The following RPS21 variants were observed in gnomAD, a reference collection of about 807,000 sequenced individuals.
RPS21 encodes small ribosomal subunit protein eS21.
Under a neutral mutation model 14.5 loss-of-function variants are expected in RPS21, and 6 were observed. The ratio of observed to expected loss-of-function variants is 0.41; its 90% confidence interval spans 0.23 to 0.82. The LOEUF is 0.82. RPS21 is among the 40% of genes least tolerant of loss of function. The probability of loss-of-function intolerance (pLI) is 0.31; values close to 1 mark genes in which losing one functional copy is unlikely to be tolerated. For synonymous variants in RPS21, 61 were observed against 42.6 expected (o/e 1.43, Z -1.69); for missense variants, 85 against 115.0 (o/e 0.74, Z 1.19).
In RPS21 at chr20:62,387,139, G is replaced by A. The variant is rs1987755927; in HGVS notation, c.-19+3G>A. ...CGCGCGCGGTGTGGTGGCAGCAGGT[G>A]TGGCGCGCGGCGCGGGCTTCGGGCT... On this transcript the variant is annotated splice_donor_region_variant and intron_variant, in intron 1 of 5. Transcript: ENST00000343986. The A allele has an allele frequency of 2.0e-6, 1 of 496,024 alleles. No individual in the cohort carries two copies. Among genetic ancestry groups the A allele is most frequent in the Non-Finnish European group, 3.5e-6 (1 of 283,572 alleles). The allele number at this position is 496,024 out of a possible 1,614,324, so 30.7% of individuals were successfully genotyped here.
intron 2 of RPS21, 31 bp from the exon 3 acceptor site, chr20:62,387,579 TC>T (rs1987782037): frequency 4.4e-6 from 7 of 1,601,824 alleles, no homozygotes; most frequent in Non-Finnish European, 6.0e-6. Context: ...ACCGCCCAAG[TC>T]CCCTCTGCTC....
chr20:62,387,269 A>G (rs1262989611), intron 1 of RPS21, 52 bp from the exon 2 acceptor site: 1 of 1,423,584 alleles, frequency 7.0e-7, no homozygotes, highest in Non-Finnish European at 9.6e-7. Context: ...TTGCGCCGGG[A>G]GCCGGGGCAC....
rs530536205 is a variant in RPS21, at chr20:62,387,407, C to G, written c.50+19C>G. ...GGAAATGGTAAGCGCCCCCCACATG[C>G]CTCTCTTCCGTCCTTACCTAACCAC... On this transcript the variant is annotated intron_variant, in intron 2 of 5. Coordinates refer to ENST00000343986, the MANE Select transcript of RPS21 (RefSeq NM_001024.4). 4.4e-6 allele frequency: 7 copies of G among 1,608,064 alleles called. No individual in the cohort carries two copies. Among genetic ancestry groups the G allele is most frequent in the South Asian group, 2.2e-5 (2 of 90,204 alleles).
At position 62,387,625 on chromosome 20, in the gene RPS21, G is replaced by A. The variant is rs762536419; in HGVS notation, c.65G>A (p.Arg22His). Residue 22 changes from arginine (R) to histidine (H), a missense_variant, in exon 3 of 6, where the codon CGC (arginine) becomes CAC (histidine). Arg to His is a conservative substitution (Grantham distance 29). Coordinates refer to ENST00000343986, the MANE Select transcript of RPS21 (RefSeq NM_001024.4). ...YVPRKCSASN[R>H]IIGAKDHASI... Reference sequence around the variant, plus strand: ...TTTCTCCACAGCTCCGCTAGCAATCGCATCATCGGTGCCAAGGACCACGCA... The same window carrying A: ...TTTCTCCACAGCTCCGCTAGCAATCACATCATCGGTGCCAAGGACCACGCA... 1.9e-6 allele frequency: 3 copies of A among 1,612,764 alleles called. No individual in the cohort carries two copies. The highest frequency in any genetic ancestry group is 2.5e-6 in the Non-Finnish European group (3 of 1,179,124).
chr20:62,388,332 C>T lies in RPS21; in HGVS notation c.210C>T (p.Leu70=), dbSNP rs570425523. Residue 70 remains leucine (L), a synonymous_variant, in exon 5 of 6, where the codon CTC becomes CTT. Coordinates refer to ENST00000343986, the MANE Select transcript of RPS21 (RefSeq NM_001024.4). ...AGGGTGAGTCAGATGATTCCATTCT[C>T]CGATTGGCCAAGGCCGATGGCATCG... ...RRMGESDDSI[L]RLAKADGIVS... is the part of the protein sequence containing the mutation. The T allele has an allele frequency of 1.0e-5, 16 of 1,591,316 alleles. No homozygotes were observed. The East Asian group carries it at 3.6e-4, about 36-fold the overall frequency.
intron 4 of RPS21, 30 bp from the exon 5 acceptor site, chr20:62,388,273 GAAATAT>G: frequency 6.3e-7 from 1 of 1,579,598 alleles, no homozygotes; most frequent in Non-Finnish European, 8.6e-7. Flanking sequence ...AGCCGGAGTG[GAAATAT>G]TCTTAGTGTG....
intron 4 of RPS21, 154 bp from the exon 5 acceptor site, chr20:62,388,155 C>A (rs1601468484): frequency 2.0e-6 from 3 of 1,474,586 alleles, no homozygotes; most frequent in Non-Finnish European, 2.7e-6. Flanking sequence ...CATAGTCAGG[C>A]TGCAGGCTGC....
intron 4 of RPS21, 194 bp from the exon 5 acceptor site, chr20:62,388,115 C>T (rs978983971): frequency 5.7e-5 from 86 of 1,508,924 alleles, no homozygotes; most frequent in African/African-American, 1.4e-5. Flanking sequence ...CTGCCTCTCA[C>T]TAGGAGGTGC....
Position 62,388,496 on chromosome 20 carries a change from G to A in RPS21, c.*30G>A. 6.2e-7 allele frequency: 1 copy of A among 1,610,810 alleles called. No individual in the cohort carries two copies. Among genetic ancestry groups the A allele is most frequent in the Non-Finnish European group, 8.5e-7 (1 of 1,177,096 alleles). ...AGAGAATCACAGATGTGGAATATTT[G>A]TCATAAATAAATAATGAAAACCTAC... On this transcript the variant is annotated 3_prime_UTR_variant, in exon 6 of 6. Coordinates refer to ENST00000343986, the MANE Select transcript of RPS21 (RefSeq NM_001024.4).
At chr20:62,387,223 C>G (rs1213599100) in intron 1 of RPS21, 87 bp downstream of exon 1, 12 of 830,402 alleles carry the variant, frequency 1.4e-5, no homozygotes, top group Non-Finnish European at 2.2e-5. Flanking sequence ...GTGCGGGGTG[C>G]TGGGTGCGGC....
At chr20:62,388,154 G>C in intron 4 of RPS21, 155 bp from the exon 5 acceptor site, 1 of 1,476,742 alleles carries the variant, frequency 6.8e-7, no homozygotes. Flanking sequence ...CCATAGTCAG[G>C]CTGCAGGCTG....
chr20:62,387,638 C>T lies in RPS21; in HGVS notation c.78C>T (p.Ala26=), dbSNP rs763638750. ...KCSASNRIIG[A]KDHASIQMNV... Reference sequence around the variant, plus strand: ...CCGCTAGCAATCGCATCATCGGTGCCAAGGACCACGCATCCATCCAGATGA... The same window carrying T: ...CCGCTAGCAATCGCATCATCGGTGCTAAGGACCACGCATCCATCCAGATGA... The change falls in exon 3 of 6, where the codon GCC becomes GCT. Residue 26 remains alanine (A), a synonymous_variant. Coordinates refer to ENST00000343986, the MANE Select transcript of RPS21 (RefSeq NM_001024.4). The T allele has an allele frequency of 1.9e-6, 3 of 1,613,786 alleles. No individual in the cohort carries two copies. The highest frequency in any genetic ancestry group is 2.5e-6 in the Non-Finnish European group (3 of 1,179,922).
chr20:62,387,352 C>T lies in RPS21; in HGVS notation c.14C>T (p.Ala5Val), dbSNP rs933692807. Reference sequence around the variant, plus strand: ...CCCAGCCTCGAAATGCAGAACGACGCCGGCGAGTTCGTGGACCTGTACGTG... The same window carrying T: ...CCCAGCCTCGAAATGCAGAACGACGTCGGCGAGTTCGTGGACCTGTACGTG... The part of the protein sequence containing the change: MQND[A>V]GEFVDLYVPR... Residue 5 changes from alanine (A) to valine (V), a missense_variant, in exon 2 of 6, where the codon GCC becomes GTC. Physicochemically the swap from Ala to Val is moderately conservative, Grantham distance 64. Coordinates refer to ENST00000343986, the MANE Select transcript of RPS21 (RefSeq NM_001024.4). 1.9e-6 allele frequency: 3 copies of T among 1,605,398 alleles called. No individual in the cohort carries two copies. Among genetic ancestry groups the T allele is most frequent in the Non-Finnish European group, 2.5e-6 (3 of 1,176,518 alleles).
At chr20:62,387,999 T>G (rs911077) in intron 4 of RPS21, 85 bp downstream of exon 4, 1 of 1,612,364 alleles carries the variant, frequency 6.2e-7, no homozygotes, top group African/African-American at 1.3e-5. Context: ...GGTGCCTGAG[T>G]AGATCTGCTG....
Position 62,387,371 on chromosome 20 carries a change from G to A in RPS21, c.33G>A (p.Leu11=), listed in dbSNP as rs1442896472. Residue 11 remains leucine, a synonymous_variant, in exon 2 of 6, where the codon CTG becomes CTA. Coordinates refer to ENST00000343986, the MANE Select transcript of RPS21 (RefSeq NM_001024.4). MQNDAGEFVD[L]YVPRKCSASN... ...ACGACGCCGGCGAGTTCGTGGACCT[G>A]TACGTGCCGCGGAAATGGTAAGCGC... 4 of 1,608,222 alleles carry A rather than the reference G, an allele frequency of 2.5e-6. No individual in the cohort carries two copies. Among genetic ancestry groups the A allele is most frequent in the South Asian group, 1.1e-5 (1 of 90,030 alleles).
Position 62,387,107 on chromosome 20 carries a change from T to G in RPS21, c.-48T>G, listed in dbSNP as rs982519093. On this transcript the variant is annotated 5_prime_UTR_variant, in exon 1 of 6. Transcript: ENST00000343986. ...CTGCCGGGTGACTAGCTGCTTCCTT[T>G]CTCTCTCGCGCGCGGTGTGGTGGCA... 1 of 469,074 alleles carries G rather than the reference T, an allele frequency of 2.1e-6. No homozygotes were observed. Among genetic ancestry groups the G allele is most frequent in the Non-Finnish European group, 3.7e-6 (1 of 267,986 alleles). The allele number at this position is 469,074 out of a possible 1,614,324, so 29.1% of individuals were successfully genotyped here. A position where few individuals can be genotyped will look rare whatever the true frequency, so the allele number is the denominator to read the frequency against.
At chr20:62,388,058 T>G in intron 4 of RPS21, 144 bp downstream of exon 4, 1 of 1,567,770 alleles carries the variant, frequency 6.4e-7, no homozygotes, top group Non-Finnish European at 8.7e-7. Flanking sequence ...TGCCGCTTCT[T>G]GAGGGTGGAA....
chr20:62,387,175 G>A (rs953978819), intron 1 of RPS21, 39 bp downstream of exon 1: 14 of 577,150 alleles, frequency 2.4e-5, no homozygotes, highest in African/African-American at 1.0e-4. Flanking sequence ...CAGGGCTGGG[G>A]CTGGGGCGGG....
chr20:62,387,255 C>T, intron 1 of RPS21, 66 bp from the exon 2 acceptor site: 1 of 1,268,492 alleles, frequency 7.9e-7, no homozygotes. Flanking sequence ...CCCTAGGGGC[C>T]GGTTTGCGCC....
Sources: allele counts gnomAD v4.1 joint callset, GRCh38; gene constraint gnomAD v4.1.1; transcripts MANE v1.5; gene names NCBI Gene and HGNC (gene_info 2026-07-23, HGNC 2026-07-21).